MAFB: variants seen among roughly 807,000 people sequenced by gnomAD.
MAFB encodes the protein MAF bZIP transcription factor B.
MAFB carries 3 observed loss-of-function variants against 17.7 expected under a neutral mutation model. The observed-to-expected ratio is 0.17, with a 90% CI of 0.08 to 0.44. The LOEUF (loss-of-function observed/expected upper bound fraction) is 0.44. MAFB is among the 20% of genes least tolerant of loss of function. The pLI is 0.99. For synonymous variants in MAFB, 214 were observed against 211.5 expected (o/e 1.01, Z -0.10); for missense variants, 355 against 461.3 (o/e 0.77, Z 2.11).
Position 40,688,152 on chromosome 20 carries a change from C to T in MAFB, c.699G>A (p.Lys233=). 1 of 1,611,486 alleles carries T rather than the reference C, an allele frequency of 6.2e-7. No individual in the cohort carries two copies. The highest frequency in any genetic ancestry group is 1.1e-5 in the South Asian group (1 of 90,952). The change falls in exon 1 of 1, where the codon AAG becomes AAA. Residue 233 remains lysine (K), a synonymous_variant. Transcript: ENST00000373313. ...TCTGCTTCAGGCGGATCACCTCGTCCTTGGTGAAGCCCCGCAGGTGGCGGT... is the reference window on the plus strand; with the variant it reads ...TCTGCTTCAGGCGGATCACCTCGTCTTTGGTGAAGCCCCGCAGGTGGCGGT... ...ELNRHLRGFT[K]DEVIRLKQKR...
chr20:40,687,922 C>G lies in MAFB; in HGVS notation c.929G>C (p.Gly310Ala), dbSNP rs1194989294. 1 of 1,612,926 alleles carries G rather than the reference C, an allele frequency of 6.2e-7. No individual in the cohort carries two copies. ...AGAGGAGGGGCTGTCGCTGGTGGAG[C>G]CCGCCTCCCTGAAGCCGGAGTTGGC... ...KLANSGFREAGSTSDSPSSPE... is the reference protein window; with the variant it reads ...KLANSGFREAASTSDSPSSPE... The change falls in exon 1 of 1, where the codon GGC becomes GCC. Residue 310 changes from glycine (G) to alanine (A), a missense_variant. This residue lies in a region of MAFB where 63 missense variants were observed against 69.4 expected (regional missense o/e 0.91). Transcript: ENST00000373313.
rs6029274 is a variant in MAFB at position 40,688,136 on chromosome 20, G to C, written c.715C>G (p.Leu239Val). The change falls in exon 1 of 1, where the codon CTG becomes GTG. Residue 239 changes from leucine (L) to valine (V), a missense_variant. Leu to Val is a conservative substitution (Grantham distance 32). Around this residue, in one of 3 missense-constraint regions of MAFB, gnomAD observed 7 missense variants for 41.9 expected, o/e 0.17. Transcript: ENST00000373313. ...TTCAGGGTCCGCCGCTTCTGCTTCAGGCGGATCACCTCGTCCTTGGTGAAG... is the reference window on the plus strand; with the variant it reads ...TTCAGGGTCCGCCGCTTCTGCTTCACGCGGATCACCTCGTCCTTGGTGAAG... ...RGFTKDEVIR[L>V]KQKRRTLKNR... 2 of 1,612,778 alleles carry C rather than the reference G, an allele frequency of 1.2e-6. No homozygotes were observed. Among genetic ancestry groups the C allele is most frequent in the Non-Finnish European group, 1.7e-6 (2 of 1,179,894 alleles).
At position 40,687,180 on chromosome 20, in the gene MAFB, A is replaced by T. The variant is rs1986849483; in HGVS notation, c.*699T>A. On this transcript the variant is annotated 3_prime_UTR_variant, in exon 1 of 1. Coordinates refer to ENST00000373313, the MANE Select transcript of MAFB (RefSeq NM_005461.5). ...CATGATCAACAACATGCTAAAGTTA[A>T]ACAAGAAAATGGTACAAAATAGAAA... 2.5e-6 allele frequency: 1 copy of T among 399,086 alleles called. No homozygotes were observed. Among genetic ancestry groups the T allele is most frequent in the Non-Finnish European group, 4.4e-6 (1 of 226,092 alleles). 24.7% of individuals were successfully genotyped at this position (399,086 alleles called of 1,614,324 possible).
Position 40,687,709 on chromosome 20 carries a change from G to C in MAFB, c.*170C>G, listed in dbSNP as rs902200081. 4.9e-6 allele frequency: 4 copies of C among 824,080 alleles called. No homozygotes were observed. In the East Asian group the frequency reaches 8.0e-5, roughly 17 times the overall value. The allele number at this position is 824,080 out of a possible 1,614,324, so 51.0% of individuals were successfully genotyped here. Reference sequence around the variant, plus strand: ...CTTAGCCAAGGTCCCCTGCCCGCCCGCGCACCCGCCCGTCGCCCGCGGCCC... The same window carrying C: ...CTTAGCCAAGGTCCCCTGCCCGCCCCCGCACCCGCCCGTCGCCCGCGGCCC... On this transcript the variant is annotated 3_prime_UTR_variant, in exon 1 of 1. Transcript: ENST00000373313.
chr20:40,688,385 C>G lies in MAFB; in HGVS notation c.466G>C (p.Gly156Arg). The G allele has an allele frequency of 6.4e-7, 1 of 1,562,230 alleles. No individual in the cohort carries two copies. The highest frequency in any genetic ancestry group is 8.6e-7 in the Non-Finnish European group (1 of 1,160,620). The change falls in exon 1 of 1, where the codon GGC (glycine) becomes CGC (arginine). Residue 156 changes from glycine to arginine, a missense_variant. Coordinates refer to ENST00000373313, the MANE Select transcript of MAFB (RefSeq NM_005461.5). The stretch of plus-strand genomic sequence containing the variant: ...TGATGGTGCGGGTGAGCGTGCGGGC[C>G]CAGCTCGTCGTGGGCCACGCCGGCG... ...PGAGVAHDELGPHAHPHHHHH... is the reference protein window; with the variant it reads ...PGAGVAHDELRPHAHPHHHHH...
At position 40,686,999 on chromosome 20, in the gene MAFB, C is replaced by A. The variant is rs565548370; in HGVS notation, c.*880G>T. ...AAACAAAAATACCGTAATAATAAAC[C>A]CAAACAAAGACCCTCAGCTTGCTGC... On this transcript the variant is annotated 3_prime_UTR_variant, in exon 1 of 1. Coordinates refer to ENST00000373313, the MANE Select transcript of MAFB (RefSeq NM_005461.5). 1 of 398,490 alleles carries A rather than the reference C, an allele frequency of 2.5e-6. No individual in the cohort carries two copies. The highest frequency in any genetic ancestry group is 4.4e-6 in the Non-Finnish European group (1 of 225,980). The allele number at this position is 398,490 out of a possible 1,614,324, so 24.7% of individuals were successfully genotyped here.
In MAFB at chr20:40,687,158, G is replaced by T; in HGVS notation, c.*721C>A. ...AAGAAACAAGGGGAGTATGATCCAT[G>T]ATCAACAACATGCTAAAGTTAAACA... On this transcript the variant is annotated 3_prime_UTR_variant, in exon 1 of 1. Transcript: ENST00000373313. The T allele has an allele frequency of 2.5e-6, 1 of 398,928 alleles. No individual in the cohort carries two copies. Among genetic ancestry groups the T allele is most frequent in the South Asian group, 1.3e-4 (1 of 7,818 alleles). The allele number at this position is 398,928 out of a possible 1,614,324, so 24.7% of individuals were successfully genotyped here. A position where few individuals can be genotyped will look rare whatever the true frequency, so the allele number is the denominator to read the frequency against.
In MAFB at chr20:40,687,957, G is replaced by A. The variant is rs759116332; in HGVS notation, c.894C>T (p.Cys298=). Residue 298 remains cysteine (C), a synonymous_variant, in exon 1 of 1, where the codon TGC becomes TGT. Transcript: ENST00000373313. The stretch of plus-strand genomic sequence containing the variant: ...TGAAGCCGGAGTTGGCGAGTTTCTC[G>A]CACTTGACCTTGTAGGCGTCTCTCT... The part of the protein sequence containing the change: ...ARERDAYKVK[C]EKLANSGFRE... The A allele has an allele frequency of 1.2e-6, 2 of 1,613,920 alleles. No homozygotes were observed. The highest frequency in any genetic ancestry group is 1.7e-6 in the Non-Finnish European group (2 of 1,180,030).
In MAFB at chr20:40,686,722, A is replaced by G; in HGVS notation, c.*1157T>C. ...CAATTTGACCATAAGACAAGGCTGTAGTCCAGAACACTCCTCTGGGGTGCG... is the reference window on the plus strand; with the variant it reads ...CAATTTGACCATAAGACAAGGCTGTGGTCCAGAACACTCCTCTGGGGTGCG... On this transcript the variant is annotated 3_prime_UTR_variant, in exon 1 of 1. Transcript: ENST00000373313. The G allele has an allele frequency of 2.5e-6, 1 of 398,664 alleles. No individual in the cohort carries two copies. The highest frequency in any genetic ancestry group is 4.4e-5 in the Admixed American group (1 of 22,746). The allele number at this position is 398,664 out of a possible 1,614,324, so 24.7% of individuals were successfully genotyped here. A position where few individuals can be genotyped will look rare whatever the true frequency, so the allele number is the denominator to read the frequency against.
Position 40,688,086 on chromosome 20 carries a change from G to A in MAFB, c.765C>T (p.Cys255=), listed in dbSNP as rs541401457. 6.2e-7 allele frequency: 1 copy of A among 1,613,990 alleles called. No homozygotes were observed. The highest frequency in any genetic ancestry group is 2.2e-5 in the East Asian group (1 of 44,884). Residue 255 remains cysteine, a synonymous_variant, in exon 1 of 1, where the codon TGC becomes TGT. Transcript: ENST00000373313. ...GCTTCTGCTGGACGCGTTTATACCTGCAAGACTGGGCGTAGCCCCGGTTCT... is the reference window on the plus strand; with the variant it reads ...GCTTCTGCTGGACGCGTTTATACCTACAAGACTGGGCGTAGCCCCGGTTCT... The part of the protein sequence containing the change: ...TLKNRGYAQS[C]RYKRVQQKHH...
chr20:40,688,278 C>T lies in MAFB; in HGVS notation c.573G>A (p.Gly191=). 6.5e-7 allele frequency: 1 copy of T among 1,543,712 alleles called. No homozygotes were observed. Among genetic ancestry groups the T allele is most frequent in the South Asian group, 1.2e-5 (1 of 84,814 alleles). The change falls in exon 1 of 1, where the codon GGG becomes GGA. Residue 191 remains glycine, a synonymous_variant. Transcript: ENST00000373313. ...QQLPTSHPGP[G]PHATASATAA... ...CCGTCGCCGAGGCCGTCGCGTGCGG[C>T]CCGGGCCCGGGGTGGCTAGTGGGCA...
chr20:40,686,621 C>T lies in MAFB; in HGVS notation c.*1258G>A. 1 of 397,922 alleles carries T rather than the reference C, an allele frequency of 2.5e-6. No individual in the cohort carries two copies. Among genetic ancestry groups the T allele is most frequent in the Non-Finnish European group, 4.4e-6 (1 of 226,042 alleles). The allele number at this position is 397,922 out of a possible 1,614,324, so 24.6% of individuals were successfully genotyped here. On this transcript the variant is annotated 3_prime_UTR_variant, in exon 1 of 1. Coordinates refer to ENST00000373313, the MANE Select transcript of MAFB (RefSeq NM_005461.5). ...GGCCCAGAGGGTTCAGAAGGGACCT[C>T]AGGGTGATTCTGGTTACAATAAAAA... is the stretch of plus-strand genomic sequence containing the variant.
chr20:40,687,857 G>C lies in MAFB; in HGVS notation c.*22C>G. 1 of 1,602,368 alleles carries C rather than the reference G, an allele frequency of 6.2e-7. No homozygotes were observed. The highest frequency in any genetic ancestry group is 8.5e-7 in the Non-Finnish European group (1 of 1,177,802). ...AGGGAGTCCGGGCCGGGGCAAGGGC[G>C]GGGGCCAGGACCGGCCACGACTCAC... is the stretch of plus-strand genomic sequence containing the variant. On this transcript the variant is annotated 3_prime_UTR_variant, in exon 1 of 1. Transcript: ENST00000373313.
At position 40,688,839 on chromosome 20, in the gene MAFB, C is replaced by T; in HGVS notation, c.12G>A (p.Glu4=). Residue 4 remains glutamate (E), a synonymous_variant, in exon 1 of 1, where the codon GAG becomes GAA. Coordinates refer to ENST00000373313, the MANE Select transcript of MAFB (RefSeq NM_005461.5). MAA[E]LSMGPELPTS... is the part of the protein sequence containing the mutation. Reference sequence around the variant, plus strand: ...TGGGCAGCTCTGGCCCCATGCTCAGCTCCGCGGCCATCGCTGAAGCGAGGC... The same window carrying T: ...TGGGCAGCTCTGGCCCCATGCTCAGTTCCGCGGCCATCGCTGAAGCGAGGC... The T allele has an allele frequency of 1.2e-6, 2 of 1,607,760 alleles. No homozygotes were observed. The highest frequency in any genetic ancestry group is 1.7e-6 in the Non-Finnish European group (2 of 1,177,068).
In MAFB at chr20:40,687,182, C is replaced by A. The variant is rs1986849547; in HGVS notation, c.*697G>T. On this transcript the variant is annotated 3_prime_UTR_variant, in exon 1 of 1. Coordinates refer to ENST00000373313, the MANE Select transcript of MAFB (RefSeq NM_005461.5). ...TGATCAACAACATGCTAAAGTTAAA[C>A]AAGAAAATGGTACAAAATAGAAATT... is the stretch of plus-strand genomic sequence containing the variant. The A allele has an allele frequency of 2.5e-6, 1 of 398,968 alleles. No homozygotes were observed. The highest frequency in any genetic ancestry group is 4.4e-6 in the Non-Finnish European group (1 of 226,068). 24.7% of individuals were successfully genotyped at this position (398,968 alleles called of 1,614,324 possible).
chr20:40,688,972 A>C lies in MAFB; in HGVS notation c.-122T>G. ...CTGGGGAGGCGGGGAGCGAGGGCGC[A>C]GCGGGCCGGGGCCGCCGGCCAAGCC... On this transcript the variant is annotated 5_prime_UTR_variant, in exon 1 of 1. Transcript: ENST00000373313. 2.2e-6 allele frequency: 3 copies of C among 1,343,766 alleles called. No homozygotes were observed. Among genetic ancestry groups the C allele is most frequent in the Non-Finnish European group, 2.9e-6 (3 of 1,040,904 alleles). The allele number at this position is 1,343,766 out of a possible 1,614,324, so 83.2% of individuals were successfully genotyped here.
chr20:40,686,570 G>A lies in MAFB; in HGVS notation c.*1309C>T, dbSNP rs1343317527. The A allele has an allele frequency of 4.5e-5, 18 of 397,412 alleles. No individual in the cohort carries two copies. Among genetic ancestry groups the A allele is most frequent in the Non-Finnish European group, 4.4e-6 (1 of 225,918 alleles). The allele number at this position is 397,412 out of a possible 1,614,324, so 24.6% of individuals were successfully genotyped here. On this transcript the variant is annotated 3_prime_UTR_variant, in exon 1 of 1. Transcript: ENST00000373313. The stretch of plus-strand genomic sequence containing the variant: ...GATGGCTAAGCCTCTCACCCTAGGA[G>A]CGCTGTGGCTCCTACAATTAGCGCA...
Position 40,688,276 on chromosome 20 carries a change from G to T in MAFB, c.575C>A (p.Pro192Gln). The T allele has an allele frequency of 6.5e-7, 1 of 1,542,974 alleles. No individual in the cohort carries two copies. Among genetic ancestry groups the T allele is most frequent in the Non-Finnish European group, 8.7e-7 (1 of 1,151,050 alleles). Residue 192 changes from proline (P) to glutamine (Q), a missense_variant, in exon 1 of 1, where the codon CCG becomes CAG. This residue lies in a region of MAFB where 285 missense variants were observed against 350.0 expected (regional missense o/e 0.81). Coordinates refer to ENST00000373313, the MANE Select transcript of MAFB (RefSeq NM_005461.5). ...QLPTSHPGPGPHATASATAAG... is the reference protein window; with the variant it reads ...QLPTSHPGPGQHATASATAAG... ...CGCCGTCGCCGAGGCCGTCGCGTGC[G>T]GCCCGGGCCCGGGGTGGCTAGTGGG...
rs1333568462 is a variant in MAFB, at chr20:40,688,869, C to A, written c.-19G>T. ...CGGCCATCGCTGAAGCGAGGCGCAG[C>A]CGCCGCTGCCGCCCGGGAAACTTTG... On this transcript the variant is annotated 5_prime_UTR_variant, in exon 1 of 1. Coordinates refer to ENST00000373313, the MANE Select transcript of MAFB (RefSeq NM_005461.5). The A allele has an allele frequency of 6.4e-7, 1 of 1,570,648 alleles. No homozygotes were observed. Among genetic ancestry groups the A allele is most frequent in the East Asian group, 2.3e-5 (1 of 43,552 alleles).
Sources: gnomAD v4.1 joint callset for allele counts on GRCh38, gnomAD v4.1.1 for gene constraint, gnomAD v4.1.1 regional missense constraint, MANE v1.5 for transcripts, NCBI Gene and HGNC (gene_info 2026-07-23, HGNC 2026-07-21) for gene names.